The following APLF variants were observed in gnomAD, a reference collection of about 807,000 sequenced individuals.
The protein encoded by APLF is aprataxin and PNKP like factor, also known as aprataxin and PNK-like factor.
In APLF, 61 loss-of-function variants were observed where a neutral mutation model predicts 55.6. That is an observed-to-expected ratio of 1.10 (90% CI 0.89 to 1.36). APLF has a LOEUF of 1.36. Ranked by LOEUF, APLF falls within the 40% of genes most tolerant of loss-of-function variation. APLF has a pLI of 0.00. For missense variants in APLF, 611 were observed against 602.5 expected, an observed-to-expected ratio of 1.01 and a Z score of -0.15; for synonymous variants, 207 against 214.8, an observed-to-expected ratio of 0.96 and a Z score of 0.32.
intron 1 of APLF, among the ~76,000 whole-genome samples, chr2:68,469,143 C>A (rs1045291188): frequency 1.3e-5 from 2 of 152,008 alleles, no homozygotes; most frequent in Non-Finnish European, 2.9e-5. Context: ...AACATCATTT[C>A]TATTTTTTTC....
rs145119800 is a variant in APLF at position 68,544,230 on chromosome 2, C to T, written c.1161-957C>T. ...CTGACTTCAAGTGATCTGCCCTCCT[C>T]GGCCTCCCAAAGTGCTAGGATTACA... On this transcript the variant is annotated intron_variant, in intron 7 of 9. Transcript: ENST00000303795. 2.1e-3 allele frequency among the ~76,000 whole-genome samples: 314 copies of T among 152,168 alleles called. 2 individuals are homozygous for T. The highest frequency in any genetic ancestry group is 7.0e-3 in the African/African-American group (289 of 41,540).
intron 8 of APLF, chr2:68,563,247 T>C: frequency 1.0e-5 from 10 of 985,260 alleles, no homozygotes; most frequent in Non-Finnish European, 1.2e-5. Flanking sequence ...CTAAGGCAGA[T>C]GAAAACCTGT....
At chr2:68,527,012 T>C (rs571437717) in intron 6 of APLF, among the ~76,000 whole-genome samples, 7 of 152,342 alleles carry the variant, frequency 4.6e-5, no homozygotes, top group Admixed American at 3.9e-4. Context: ...CTTGGAAGGT[T>C]GCGCAGTAGC....
At chr2:68,514,009 TTTAAAAATGCCAGACG>T (rs1435190524) in intron 5 of APLF, among the ~76,000 whole-genome samples, 1 of 151,832 alleles carries the variant, frequency 6.6e-6, no homozygotes, top group East Asian at 1.9e-4. Context: ...TAATTTGATT[TTTAAAAATGCCAGACG>T]AATTGATATA....
At chr2:68,518,246 G>A (rs111214954) in intron 5 of APLF, among the ~76,000 whole-genome samples, 20 of 113,670 alleles carry the variant, frequency 1.8e-4, no homozygotes, top group South Asian at 5.2e-4. Context: ...AATATATAAT[G>A]TTAATATATT....
intron 5 of APLF, among the ~76,000 whole-genome samples, chr2:68,523,623 C>CAT (rs948685602): frequency 2.9e-4 from 43 of 150,474 alleles, no homozygotes; most frequent in African/African-American, 6.6e-4. Context: ...TTTAATGATA[C>CAT]ATATATATAT....
chr2:68,537,585 G>T (rs1395824508), intron 6 of APLF, among the ~76,000 whole-genome samples: 1 of 152,014 alleles, frequency 6.6e-6, no homozygotes, highest in Non-Finnish European at 1.5e-5. Flanking sequence ...GGCCAGGCTG[G>T]TCTCAAACTC....
At chr2:68,518,567 TATATA>T (rs371123368) in intron 5 of APLF, among the ~76,000 whole-genome samples, 54 of 120,578 alleles carry the variant, frequency 4.5e-4, no homozygotes, top group South Asian at 1.2e-3. Flanking sequence ...GTATCATGAA[TATATA>T]ATATATCAAT....
intron 9 of APLF, among the ~76,000 whole-genome samples, chr2:68,576,765 A>G (rs1345069094): frequency 6.6e-6 from 1 of 152,102 alleles, no homozygotes; most frequent in Non-Finnish European, 1.5e-5. Flanking sequence ...AATTATAACT[A>G]TATGTTGCAT....
chr2:68,523,346 G>A (rs769027247), intron 5 of APLF, among the ~76,000 whole-genome samples: 14 of 151,890 alleles, frequency 9.2e-5, no homozygotes, highest in Admixed American at 2.0e-4. Context: ...TGCTTGTGGA[G>A]GTATAAATTA....
rs1285522609 is a variant in APLF at position 68,518,487 on chromosome 2, CATT to C, written c.622+4809_622+4811del. 9.5e-3 allele frequency among the ~76,000 whole-genome samples: 1,050 copies of C among 110,152 alleles called. 6 individuals carry two copies. Among genetic ancestry groups the C allele is most frequent in the Non-Finnish European group, 0.012 (734 of 59,686 alleles). 72.3% of individuals were successfully genotyped at this position (110,152 alleles called of 152,430 possible). ...ATAACATATTAATAATACATAATAA[CATT>C]AATAATATATAATAATGTTAATATA... On this transcript the variant is annotated intron_variant, in intron 5 of 9. Coordinates refer to ENST00000303795, the MANE Select transcript of APLF (RefSeq NM_173545.3).
At chr2:68,493,160 TAAC>T (rs1190179125) in intron 2 of APLF, among the ~76,000 whole-genome samples, 1 of 152,204 alleles carries the variant, frequency 6.6e-6, no homozygotes, top group Non-Finnish European at 1.5e-5. Flanking sequence ...TGATCTGTCT[TAAC>T]AAGAAGTTTT....
chr2:68,515,680 A>T, intron 5 of APLF: 1 of 983,578 alleles, frequency 1.0e-6, no homozygotes, highest in Non-Finnish European at 1.2e-6. Context: ...TCGCATGTGT[A>T]CAATGTACTT....
intron 1 of APLF, among the ~76,000 whole-genome samples, chr2:68,476,789 C>T (rs1037658449): frequency 6.6e-6 from 1 of 152,062 alleles, no homozygotes. Context: ...TATGAGGTTT[C>T]CTTTTGGAGT....
At chr2:68,483,599 A>T (rs1264811543) in intron 1 of APLF, among the ~76,000 whole-genome samples, 1 of 152,188 alleles carries the variant, frequency 6.6e-6, no homozygotes, top group East Asian at 1.9e-4. Flanking sequence ...TATTCATACA[A>T]GATAATTTTT....
chr2:68,510,613 G>T (rs1677019921), intron 3 of APLF, among the ~76,000 whole-genome samples: 1 of 151,742 alleles, frequency 6.6e-6, no homozygotes, highest in Non-Finnish European at 1.5e-5. Context: ...ACATATTCTG[G>T]CAGTTCCTCA....
chr2:68,548,943 A>G (rs1477695956), intron 8 of APLF, among the ~76,000 whole-genome samples: 1 of 151,928 alleles, frequency 6.6e-6, no homozygotes, highest in Admixed American at 6.6e-5. Context: ...ATATCTTTTC[A>G]TCCCATTTTA....
chr2:68,501,992 C>T (rs1011164751), intron 2 of APLF, among the ~76,000 whole-genome samples: 3 of 152,034 alleles, frequency 2.0e-5, no homozygotes, highest in East Asian at 1.9e-4. Flanking sequence ...TGCATCATAA[C>T]GTGGTGGAAG....
chr2:68,552,569 CT>C (rs1012913440), intron 8 of APLF, among the ~76,000 whole-genome samples: 1 of 151,852 alleles, frequency 6.6e-6, no homozygotes, highest in Admixed American at 6.6e-5. Context: ...GCCTATCAGG[CT>C]TTTTTTTCCT....
Sources: gnomAD v4.1 joint callset for allele counts (sites outside exome capture counted in the v4.1 genomes callset) on GRCh38, gnomAD v4.1.1 for gene constraint, MANE v1.5 for transcripts, NCBI Gene and HGNC (gene_info 2026-07-23, HGNC 2026-07-21) for gene names.